The following POC5 variants were observed in gnomAD, a reference collection of about 807,000 sequenced individuals.
The protein encoded by POC5 is centrosomal protein POC5.
POC5 carries 48 observed loss-of-function variants against 62.9 expected under a neutral mutation model. The ratio of observed to expected loss-of-function variants is 0.76; its 90% CI spans 0.61 to 0.97. The LOEUF is 0.97. Ranked by LOEUF, POC5 falls within the 50% of genes least tolerant of loss-of-function variation. The pLI, the probability that POC5 is intolerant of heterozygous loss-of-function variation, is 0.00. For synonymous variants in POC5, 236 were observed against 228.2 expected (o/e 1.03, Z -0.31); for missense variants, 696 against 679.5 (o/e 1.02, Z -0.27).
rs563630396 is a variant in POC5 at position 75,688,277 on chromosome 5, A to G, written c.1129+735T>C. 3.3e-5 allele frequency among the ~76,000 whole-genome samples: 5 copies of G among 152,304 alleles called. No individual in the cohort carries two copies. The South Asian group carries it at 1.0e-3, about 32-fold the overall frequency. On this transcript the variant is annotated intron_variant, in intron 9 of 11. Coordinates refer to ENST00000428202, the MANE Select transcript of POC5 (RefSeq NM_001099271.2). ...CACGTTAAAGTGCATTTTGTCTTTTAAAGTGTTTTCAGATATGTTTTACTG... is the reference window on the plus strand; with the variant it reads ...CACGTTAAAGTGCATTTTGTCTTTTGAAGTGTTTTCAGATATGTTTTACTG...
At chr5:75,676,031 G>A (rs959308499) in intron 11 of POC5, among the ~76,000 whole-genome samples, 3 of 152,148 alleles carry the variant, frequency 2.0e-5, no homozygotes, top group Non-Finnish European at 4.4e-5. Context: ...ACAGTTAGTG[G>A]GTAAGAAATG....
At chr5:75,677,625 A>T in intron 11 of POC5, 149 bp downstream of exon 11, 1 of 514,906 alleles carries the variant, frequency 1.9e-6, no homozygotes, top group African/African-American at 2.0e-5. Context: ...ATATATTAAA[A>T]AAAAAAAAAA....
At chr5:75,711,130 T>G (rs530286244) in intron 2 of POC5, among the ~76,000 whole-genome samples, 6 of 152,316 alleles carry the variant, frequency 3.9e-5, no homozygotes, top group African/African-American at 1.4e-4. Flanking sequence ...AAATGACTAT[T>G]TTAGAGTTTC....
chr5:75,678,365 T>C (rs1775753920), intron 10 of POC5, among the ~76,000 whole-genome samples: 1 of 151,826 alleles, frequency 6.6e-6, no homozygotes, highest in Non-Finnish European at 1.5e-5. Flanking sequence ...TCTCTGTCAT[T>C]TTATCACCTA....
intron 4 of POC5, among the ~76,000 whole-genome samples, chr5:75,704,432 G>T (rs934589922): frequency 9.2e-5 from 14 of 152,002 alleles, no homozygotes; most frequent in African/African-American, 3.4e-4. Context: ...TTTGCAAAAG[G>T]GAAAATAATT....
intron 5 of POC5, among the ~76,000 whole-genome samples, chr5:75,698,882 G>A (rs1396698112): frequency 6.6e-6 from 1 of 152,022 alleles, no homozygotes; most frequent in East Asian, 1.9e-4. Context: ...ATGATAAAGG[G>A]GATATCACCA....
rs1273274631 is a variant in POC5 at position 75,696,465 on chromosome 5, G to A, written c.514-1634C>T. Among the ~76,000 whole-genome samples, 9 of 152,174 alleles carry A rather than the reference G, an allele frequency of 5.9e-5. No homozygotes were observed. In the South Asian group the frequency reaches 1.0e-3, roughly 18 times the overall value. On this transcript the variant is annotated intron_variant, in intron 5 of 11. Coordinates refer to ENST00000428202, the MANE Select transcript of POC5 (RefSeq NM_001099271.2). ...GCAGAGGCAGACTGACACCTCACAC[G>A]GCCGGGTACTCCAACAGACCTGCAG...
At chr5:75,675,742 C>A (rs1316391195) in intron 11 of POC5, among the ~76,000 whole-genome samples, 3 of 152,192 alleles carry the variant, frequency 2.0e-5, no homozygotes, top group Non-Finnish European at 4.4e-5. Context: ...GCCAAAAAGG[C>A]TTTCTCCTTG....
At chr5:75,713,631 C>T (rs2112220272) in intron 1 of POC5, among the ~76,000 whole-genome samples, 1 of 152,132 alleles carries the variant, frequency 6.6e-6, no homozygotes, top group African/African-American at 2.4e-5. Flanking sequence ...CTGATAGGCC[C>T]TAAAATAACA....
intron 2 of POC5, among the ~76,000 whole-genome samples, chr5:75,711,777 C>A (rs1337031525): frequency 1.3e-5 from 2 of 152,170 alleles, no homozygotes; most frequent in East Asian, 3.8e-4. Context: ...TAATTTCTGG[C>A]AGGTTCTTCT....
At chr5:75,706,691 G>A (rs1777135531) in intron 3 of POC5, among the ~76,000 whole-genome samples, 2 of 151,966 alleles carry the variant, frequency 1.3e-5, no homozygotes, top group South Asian at 4.2e-4. Context: ...AGCCTCCCAA[G>A]GTGCTGGGAC....
At chr5:75,698,810 T>C (rs942074298) in intron 5 of POC5, among the ~76,000 whole-genome samples, 2 of 152,020 alleles carry the variant, frequency 1.3e-5, no homozygotes, top group African/African-American at 4.8e-5. Context: ...ACAAAATTGA[T>C]AGACTGCTAG....
chr5:75,714,242 C>G (rs185992442), intron 1 of POC5, among the ~76,000 whole-genome samples: 1 of 152,146 alleles, frequency 6.6e-6, no homozygotes, highest in East Asian at 1.9e-4. Context: ...ATTAGCCGAG[C>G]CTGGTGGCAG....
At chr5:75,699,440 C>CA (rs1776767015) in intron 5 of POC5, among the ~76,000 whole-genome samples, 1 of 151,694 alleles carries the variant, frequency 6.6e-6, no homozygotes, top group African/African-American at 2.4e-5. Context: ...TGTAATCCAG[C>CA]ATATAAACAG....
chr5:75,701,917 A>T (rs1262263273), intron 5 of POC5, among the ~76,000 whole-genome samples: 2 of 152,190 alleles, frequency 1.3e-5, no homozygotes, highest in East Asian at 3.8e-4. Context: ...TTATTGCATA[A>T]AAGGAGACAT....
chr5:75,682,683 T>G (rs1227096564), intron 10 of POC5, among the ~76,000 whole-genome samples: 1 of 151,884 alleles, frequency 6.6e-6, no homozygotes, highest in Non-Finnish European at 1.5e-5. Flanking sequence ...GCCCGGCTAA[T>G]TTTTTTGTAT....
At chr5:75,683,308 C>T (rs1775942537) in intron 10 of POC5, among the ~76,000 whole-genome samples, 1 of 151,212 alleles carries the variant, frequency 6.6e-6, no homozygotes, top group Non-Finnish European at 1.5e-5. Context: ...GATCTCAGCT[C>T]ACTGCAACCT....
chr5:75,689,161 G>A lies in POC5; in HGVS notation c.980C>T (p.Ser327Phe), dbSNP rs756228932. 1 of 1,534,232 alleles carries A rather than the reference G, an allele frequency of 6.5e-7. No individual in the cohort carries two copies. Among genetic ancestry groups the A allele is most frequent in the South Asian group, 1.3e-5 (1 of 78,832 alleles). ...AGCTTTTGCATTTTCCAAAGCTCCA[G>A]ATAACTAAAATAAGAATGTTTAAAA... ...NDYEAKVAML[S>F]GALENAKAEI... The change falls in exon 9 of 12, where the codon TCT (serine) becomes TTT (phenylalanine). Residue 327 changes from serine (S) to phenylalanine (F), a missense_variant. Physicochemically the swap from Ser to Phe is radical, Grantham distance 155. Transcript: ENST00000428202.
intron 5 of POC5, 39 bp downstream of exon 5, chr5:75,702,566 A>G: frequency 6.4e-7 from 1 of 1,560,026 alleles, no homozygotes; most frequent in Non-Finnish European, 8.7e-7. Flanking sequence ...ATTACATTAC[A>G]TACTAAACAA....
Sources: gnomAD v4.1 joint callset for allele counts (sites outside exome capture counted in the v4.1 genomes callset) on GRCh38, gnomAD v4.1.1 for gene constraint, MANE v1.5 for transcripts, NCBI Gene and HGNC (gene_info 2026-07-23, HGNC 2026-07-21) for gene names.